Variants in C3orf70 observed in about 807,000 individuals in gnomAD.
C3orf70 encodes the protein chromosome 3 open reading frame 70.
Under a neutral mutation model 20.7 loss-of-function variants are expected in C3orf70, and 15 were observed. The observed-to-expected ratio is 0.72, with a 90% CI of 0.48 to 1.11. The LOEUF (loss-of-function observed/expected upper bound fraction) is 1.11. Among genes scored for constraint, C3orf70 ranks in the 50% most tolerant of loss-of-function variants. C3orf70 has a pLI of 0.00. For synonymous variants in C3orf70, 161 were observed against 125.7 expected (o/e 1.28, Z -1.88); for missense variants, 332 against 317.6 (o/e 1.05, Z -0.34).
chr3:185,086,724 C>A (rs1203183210), intron 1 of C3orf70, among the ~76,000 whole-genome samples: 1 of 152,160 alleles, frequency 6.6e-6, no homozygotes, highest in Non-Finnish European at 1.5e-5. Flanking sequence ...CCACTTCTTT[C>A]TACAAGGTAC....
At chr3:185,092,328 T>C (rs1367332057) in intron 1 of C3orf70, among the ~76,000 whole-genome samples, 2 of 152,092 alleles carry the variant, frequency 1.3e-5, no homozygotes, top group African/African-American at 4.8e-5. Context: ...TTGGCTGCAT[T>C]TGGCCATCCC....
intron 1 of C3orf70, among the ~76,000 whole-genome samples, chr3:185,134,266 A>G (rs1162175756): frequency 6.6e-6 from 1 of 152,182 alleles, no homozygotes; most frequent in Non-Finnish European, 1.5e-5. Flanking sequence ...GAAAACTTTT[A>G]CCTATTCAAA....
intron 1 of C3orf70, among the ~76,000 whole-genome samples, chr3:185,135,017 A>G (rs531897532): frequency 5.3e-5 from 8 of 152,304 alleles, no homozygotes; most frequent in Non-Finnish European, 8.8e-5. Context: ...ATGGTATCCC[A>G]AAAAAGCCAG....
intron 1 of C3orf70, among the ~76,000 whole-genome samples, chr3:185,108,728 A>G (rs1055018361): frequency 4.6e-5 from 7 of 152,246 alleles, no homozygotes; most frequent in African/African-American, 1.4e-4. Flanking sequence ...GCCAAATGGT[A>G]CATTCCTCAT....
chr3:185,142,112 C>T (rs1300485332), intron 1 of C3orf70, among the ~76,000 whole-genome samples: 1 of 152,026 alleles, frequency 6.6e-6, no homozygotes, highest in Non-Finnish European at 1.5e-5. Flanking sequence ...AATTTAAAGA[C>T]AATCTGAACA....
chr3:185,105,760 G>A (rs1000055843), intron 1 of C3orf70, among the ~76,000 whole-genome samples: 3 of 152,190 alleles, frequency 2.0e-5, no homozygotes, highest in African/African-American at 4.8e-5. Flanking sequence ...AGGGTCGCTG[G>A]AGCGATGGTT....
intron 1 of C3orf70, among the ~76,000 whole-genome samples, chr3:185,144,493 A>G (rs531043380): frequency 2.4e-4 from 36 of 152,210 alleles, no homozygotes; most frequent in African/African-American, 8.4e-4. Flanking sequence ...TATTTTTGAG[A>G]CAGAGTCTCA....
rs1461758391 is a variant in C3orf70, at chr3:185,078,830, A to G, written c.*4177T>C. 2 of 152,228 alleles carry G rather than the reference A, an allele frequency of 1.3e-5. No homozygotes were observed. The highest frequency in any genetic ancestry group is 4.8e-5 in the African/African-American group (2 of 41,446). The allele number at this position is 152,228 out of a possible 1,614,324, so 9.4% of individuals were successfully genotyped here. ...TTAACTTGTGCTTTTTCTCCTGCCCAGTAGTATCTGTACCACTAAACTTAG... is the reference window on the plus strand; with the variant it reads ...TTAACTTGTGCTTTTTCTCCTGCCCGGTAGTATCTGTACCACTAAACTTAG... On this transcript the variant is annotated 3_prime_UTR_variant, in exon 2 of 2. Transcript: ENST00000335012.
In C3orf70 at chr3:185,152,957, C is replaced by A. The variant is rs956478113; in HGVS notation, c.-134G>T. ...GAGTCACGCCAGCACGCGGCGGCGG[C>A]GGGAGCGCGGCGGTCCCAGGCTCGA... On this transcript the variant is annotated 5_prime_UTR_variant, in exon 1 of 2. Coordinates refer to ENST00000335012, the MANE Select transcript of C3orf70 (RefSeq NM_001025266.3). 6.2e-5 allele frequency: 47 copies of A among 758,696 alleles called. No individual in the cohort carries two copies. Among genetic ancestry groups the A allele is most frequent in the Non-Finnish European group, 7.3e-5 (41 of 561,000 alleles). The allele number at this position is 758,696 out of a possible 1,614,324, so 47.0% of individuals were successfully genotyped here.
chr3:185,094,974 CAG>C (rs1474508177), intron 1 of C3orf70, among the ~76,000 whole-genome samples: 1 of 152,152 alleles, frequency 6.6e-6, no homozygotes, highest in Non-Finnish European at 1.5e-5. Flanking sequence ...TGTAGGAAAA[CAG>C]TGCAGAGAAG....
intron 1 of C3orf70, among the ~76,000 whole-genome samples, chr3:185,132,634 T>C (rs556304499): frequency 1.6e-4 from 25 of 152,158 alleles, no homozygotes; most frequent in African/African-American, 5.8e-4. Context: ...AATGACAAAG[T>C]GAAAACGTAT....
chr3:185,113,164 G>T (rs1444793388), intron 1 of C3orf70, among the ~76,000 whole-genome samples: 1 of 151,824 alleles, frequency 6.6e-6, no homozygotes, highest in Non-Finnish European at 1.5e-5. Context: ...GCAATGTAGG[G>T]CCAGGCATGG....
rs1715315563 is a variant in C3orf70 at position 185,080,625 on chromosome 3, G to A, written c.*2382C>T. ...GCTGTTACAAACCTGAGTGCGTGAT[G>A]CATGACTGCACTGCTGTGGCCTGAC... On this transcript the variant is annotated 3_prime_UTR_variant, in exon 2 of 2. Coordinates refer to ENST00000335012, the MANE Select transcript of C3orf70 (RefSeq NM_001025266.3). 6.6e-6 allele frequency: 1 copy of A among 152,630 alleles called. No individual in the cohort carries two copies. Among genetic ancestry groups the A allele is most frequent in the Non-Finnish European group, 1.5e-5 (1 of 68,072 alleles). The allele number at this position is 152,630 out of a possible 1,614,324, so 9.5% of individuals were successfully genotyped here.
At chr3:185,137,040 C>T (rs1422786769) in intron 1 of C3orf70, among the ~76,000 whole-genome samples, 1 of 152,210 alleles carries the variant, frequency 6.6e-6, no homozygotes, top group Admixed American at 6.5e-5. Flanking sequence ...GTTGTGTCCC[C>T]ACCTAAATCT....
chr3:185,136,645 A>C (rs1454921655), intron 1 of C3orf70, among the ~76,000 whole-genome samples: 4 of 151,966 alleles, frequency 2.6e-5, no homozygotes, highest in African/African-American at 9.7e-5. Context: ...AATGGCGTGA[A>C]CCCGGGAGGC....
intron 1 of C3orf70, among the ~76,000 whole-genome samples, chr3:185,114,325 A>G (rs759154131): frequency 1.3e-5 from 2 of 152,232 alleles, no homozygotes; most frequent in African/African-American, 4.8e-5. Flanking sequence ...AAAGGAGTCA[A>G]GTAATTATTC....
intron 1 of C3orf70, among the ~76,000 whole-genome samples, chr3:185,100,203 T>C (rs1043753041): frequency 2.0e-5 from 3 of 152,272 alleles, no homozygotes; most frequent in East Asian, 3.9e-4. Context: ...ATGGACCTGA[T>C]AGACATCTAC....
At position 185,081,296 on chromosome 3, in the gene C3orf70, C is replaced by G. The variant is rs1715331192; in HGVS notation, c.*1711G>C. 6.6e-6 allele frequency: 1 copy of G among 152,212 alleles called. No individual in the cohort carries two copies. Among genetic ancestry groups the G allele is most frequent in the Non-Finnish European group, 1.5e-5 (1 of 68,190 alleles). The allele number at this position is 152,212 out of a possible 1,614,324, so 9.4% of individuals were successfully genotyped here. A position where few individuals can be genotyped will look rare whatever the true frequency, so the allele number is the denominator to read the frequency against. On this transcript the variant is annotated 3_prime_UTR_variant, in exon 2 of 2. Coordinates refer to ENST00000335012, the MANE Select transcript of C3orf70 (RefSeq NM_001025266.3). ...AGGTGTGGTGGCACGTGCCCATAGT[C>G]CCAGCTACTCAGGAGGCTGAGGCAG...
intron 1 of C3orf70, among the ~76,000 whole-genome samples, chr3:185,095,948 G>A (rs554879310): frequency 1.3e-5 from 2 of 152,096 alleles, no homozygotes; most frequent in East Asian, 3.9e-4. Flanking sequence ...TGTTGGCCAG[G>A]ATGGTCTCGA....
Sources: allele counts gnomAD v4.1 joint callset (sites outside exome capture counted in the v4.1 genomes callset), GRCh38; gene constraint gnomAD v4.1.1; transcripts MANE v1.5; gene names NCBI Gene and HGNC (gene_info 2026-07-23, HGNC 2026-07-21).